Variants in PHKA2 observed in about 807,000 individuals in gnomAD.
PHKA2 encodes the protein phosphorylase b kinase regulatory subunit alpha, liver isoform.
Under a neutral mutation model 102.0 loss-of-function variants are expected in PHKA2, and 31 were observed. The observed-to-expected ratio is 0.30, with a 90% CI of 0.23 to 0.41. The LOEUF is 0.41. Ranked by LOEUF, PHKA2 falls within the 10% of genes least tolerant of loss-of-function variation. The pLI, the probability that PHKA2 is intolerant of heterozygous loss-of-function variation, is 1.00. For missense variants in PHKA2, 858 were observed against 1,023.1 expected (o/e 0.84, Z 2.20); for synonymous variants, 455 against 416.2 (o/e 1.09, Z -1.13).
chrX:18,984,026 TCA>T lies in PHKA2; in HGVS notation c.-96_-95del, dbSNP rs1232657699. On this transcript the variant is annotated 5_prime_UTR_variant, in exon 1 of 33. Coordinates refer to ENST00000379942, the MANE Select transcript of PHKA2 (RefSeq NM_000292.3). ...CCAAGCGGGTCTGGTTCCCGGACACTCACAGCCTTAGTCGGTTCTTGGGATGG... is the reference window on the plus strand; with the variant it reads ...CCAAGCGGGTCTGGTTCCCGGACACTCAGCCTTAGTCGGTTCTTGGGATGG... 7.0e-6 allele frequency: 5 copies of T among 711,232 alleles called. No homozygotes were observed. The highest frequency in any genetic ancestry group is 1.1e-5 in the Non-Finnish European group (5 of 446,176). The allele number at this position is 711,232 out of a possible 1,213,427, so 58.6% of individuals were successfully genotyped here. A position where few individuals can be genotyped will look rare whatever the true frequency, so the allele number is the denominator to read the frequency against.
intron 30 of PHKA2, chrX:18,895,883 C>G (rs1601691183): frequency 8.8e-6 from 1 of 113,632 alleles, no homozygotes. Flanking sequence ...AGTGGACACT[C>G]CCACCCCCTT....
chrX:18,938,491 T>C lies in PHKA2; in HGVS notation c.1041+136A>G, dbSNP rs770432544. 3.8e-5 allele frequency: 23 copies of C among 608,179 alleles called. No homozygotes were observed. In the South Asian group the frequency reaches 5.6e-4, roughly 15 times the overall value. The allele number at this position is 608,179 out of a possible 1,213,427, so 50.1% of individuals were successfully genotyped here. A position where few individuals can be genotyped will look rare whatever the true frequency, so the allele number is the denominator to read the frequency against. Reference sequence around the variant, plus strand: ...TAGGTGTTGCTTTAATTCACTCAGTTTTGGGAAAGTTTGCTAAGTGGGAAC... The same window carrying C: ...TAGGTGTTGCTTTAATTCACTCAGTCTTGGGAAAGTTTGCTAAGTGGGAAC... On this transcript the variant is annotated intron_variant, in intron 10 of 32. Coordinates refer to ENST00000379942, the MANE Select transcript of PHKA2 (RefSeq NM_000292.3).
In PHKA2 at chrX:18,983,831, T is replaced by TGAA. The variant is rs758124190; in HGVS notation, c.78+23_78+24insTTC. 83 of 1,177,858 alleles carry TGAA rather than the reference T, an allele frequency of 7.0e-5. No individual in the cohort carries two copies. Among genetic ancestry groups the TGAA allele is most frequent in the Non-Finnish European group, 9.4e-5 (81 of 865,241 alleles). On this transcript the variant is annotated intron_variant, in intron 1 of 32. Coordinates refer to ENST00000379942, the MANE Select transcript of PHKA2 (RefSeq NM_000292.3). The stretch of plus-strand genomic sequence containing the variant: ...TACATGAGAGGGTAGTTCCACGCGT[T>TGAA]CCCTGGGGGCGGTCCCTCCTTACCT...
rs1304255736 is a variant in PHKA2, at chrX:18,893,635, G to A, written c.3558C>T (p.Asp1186=). 1 of 1,211,424 alleles carries A rather than the reference G, an allele frequency of 8.3e-7. No homozygotes were observed. ...LQDQVSIGAM[D]TLEKDQATGI... is the part of the protein sequence containing the mutation. ...CTGTGGCTTGGTCTTTCTCCAGGGT[G>A]TCCATGGCACCAATTGACACCTGCA... The change falls in exon 33 of 33, where the codon GAC becomes GAT. Residue 1186 remains aspartate (D), a synonymous_variant. Transcript: ENST00000379942.
intron 1 of PHKA2, among the ~76,000 whole-genome samples, chrX:18,975,441 A>G (rs945742883): frequency 1.8e-5 from 2 of 111,653 alleles, no homozygotes; most frequent in African/African-American, 6.5e-5. Context: ...TGTAAGTCCA[A>G]TTAAACCTCT....
At position 18,943,694 on chromosome X, in the gene PHKA2, T is replaced by C; in HGVS notation, c.717+16A>G. 3.5e-6 allele frequency: 4 copies of C among 1,159,401 alleles called. No homozygotes were observed. In the South Asian group the frequency reaches 7.2e-5, roughly 21 times the overall value. Reference sequence around the variant, plus strand: ...GACTCTCCTTCCCTGCTCTCTGAAATGCAAGAGGCTATTACCTGGCAGTGC... The same window carrying C: ...GACTCTCCTTCCCTGCTCTCTGAAACGCAAGAGGCTATTACCTGGCAGTGC... On this transcript the variant is annotated intron_variant, in intron 7 of 32. Coordinates refer to ENST00000379942, the MANE Select transcript of PHKA2 (RefSeq NM_000292.3).
Position 18,926,552 on chromosome X carries a change from A to G in PHKA2, c.1360T>C (p.Leu454=). ...VLAENNHIKD[L]LRKHGVNVQS... is the part of the protein sequence containing the mutation. ...ACGTTCACCCCGTGTTTCCTCAATA[A>G]GTCCTTAATGTGATTGTTTTCTGCC... The change falls in exon 14 of 33, where the codon TTA becomes CTA. Residue 454 remains leucine, a synonymous_variant. Coordinates refer to ENST00000379942, the MANE Select transcript of PHKA2 (RefSeq NM_000292.3). The G allele has an allele frequency of 8.3e-7, 1 of 1,207,854 alleles. No individual in the cohort carries two copies. The highest frequency in any genetic ancestry group is 1.8e-5 in the South Asian group (1 of 56,931).
chrX:18,955,674 G>C (rs1404498105), intron 1 of PHKA2, among the ~76,000 whole-genome samples: 1 of 111,582 alleles, frequency 9.0e-6, no homozygotes. Flanking sequence ...TTACATTACT[G>C]TAAAGGGCAC....
rs766879625 is a variant in PHKA2, at chrX:18,941,523, G to A, written c.864+6C>T. ...ACAGAAGGGCACCAGCATGACTAAT[G>A]CTTACCTGGAGCTTAGAAATAATTT... On this transcript the variant is annotated splice_donor_region_variant and intron_variant, in intron 8 of 32. Transcript: ENST00000379942. The A allele has an allele frequency of 4.1e-6, 5 of 1,207,773 alleles. No homozygotes were observed. In the South Asian group the frequency reaches 7.0e-5, roughly 17 times the overall value.
chrX:18,900,550 C>A (rs1029400616), intron 28 of PHKA2, 120 bp downstream of exon 28: 9 of 639,484 alleles, frequency 1.4e-5, no homozygotes, highest in Non-Finnish European at 2.4e-5. Context: ...GTGCCCCAGC[C>A]CGTTTGCTGG....
intron 2 of PHKA2, 92 bp from the exon 3 acceptor site, chrX:18,952,633 G>A (rs771081116): frequency 1.2e-6 from 1 of 862,126 alleles, no homozygotes; most frequent in African/African-American, 2.0e-5. Context: ...AGCCAGTGCT[G>A]CCCAGCAACT....
chrX:18,933,174 G>A (rs938142348), intron 11 of PHKA2, among the ~76,000 whole-genome samples: 3 of 111,181 alleles, frequency 2.7e-5, no homozygotes, highest in Non-Finnish European at 5.7e-5. Flanking sequence ...GAGCAGACAA[G>A]GTGTCCAGTT....
At chrX:18,929,110 C>T (rs1266005867) in intron 13 of PHKA2, 118 bp downstream of exon 13, 3 of 530,490 alleles carry the variant, frequency 5.7e-6, no homozygotes, top group Admixed American at 2.9e-5. Context: ...CTGCTACATG[C>T]TAAAGCATAG....
intron 12 of PHKA2, 61 bp from the exon 13 acceptor site, chrX:18,929,367 T>C: frequency 1.3e-6 from 1 of 781,703 alleles, no homozygotes; most frequent in Non-Finnish European, 1.9e-6. Flanking sequence ...CATCTTAAAC[T>C]GAAGTGTGAA....
intron 17 of PHKA2, among the ~76,000 whole-genome samples, chrX:18,922,456 G>C (rs1025827818): frequency 2.7e-5 from 3 of 111,234 alleles, no homozygotes; most frequent in Non-Finnish European, 5.7e-5. Flanking sequence ...GGAGAAGCTT[G>C]GATCAAGGGC....
intron 1 of PHKA2, among the ~76,000 whole-genome samples, chrX:18,974,603 C>T (rs929182857): frequency 1.3e-4 from 14 of 111,622 alleles, no homozygotes; most frequent in African/African-American, 3.9e-4. Flanking sequence ...CTAGGAAATC[C>T]GAGATCAGAG....
At chrX:18,925,424 C>T (rs1249950587) in intron 15 of PHKA2, among the ~76,000 whole-genome samples, 5 of 112,113 alleles carry the variant, frequency 4.5e-5, no homozygotes, top group Non-Finnish European at 9.4e-5. Context: ...GACATGTCAA[C>T]AGCAAACTTC....
At chrX:18,936,450 C>T (rs1186053887) in intron 10 of PHKA2, among the ~76,000 whole-genome samples, 1 of 111,383 alleles carries the variant, frequency 9.0e-6, no homozygotes, top group Non-Finnish European at 1.9e-5. Flanking sequence ...CTCAAAATTC[C>T]TCTAGTAGTC....
Position 18,899,185 on chromosome X carries a change from G to A in PHKA2, c.3099C>T (p.Ser1033=). The change falls in exon 29 of 33, where the codon TCC becomes TCT. Residue 1033 remains serine, a synonymous_variant. Coordinates refer to ENST00000379942, the MANE Select transcript of PHKA2 (RefSeq NM_000292.3). ...VGQAASSSAH[S]SKSARSSTPS... ...GAGGCACTGTTACCGCAGACTTGGAGGAATGCGCACTGCTGGACGCGGCCT... is the reference window on the plus strand; with the variant it reads ...GAGGCACTGTTACCGCAGACTTGGAAGAATGCGCACTGCTGGACGCGGCCT... 1 of 1,209,614 alleles carries A rather than the reference G, an allele frequency of 8.3e-7. No homozygotes were observed. Among genetic ancestry groups the A allele is most frequent in the African/African-American group, 1.7e-5 (1 of 57,873 alleles).
Sources: allele counts gnomAD v4.1 joint callset (sites outside exome capture counted in the v4.1 genomes callset), GRCh38; gene constraint gnomAD v4.1.1; transcripts MANE v1.5; gene names NCBI Gene and HGNC (gene_info 2026-07-23, HGNC 2026-07-21).